The following PRKAR1B variants were observed in gnomAD, a reference collection of about 807,000 sequenced individuals.
PRKAR1B encodes protein kinase cAMP-dependent type I regulatory subunit beta.
A neutral mutation model predicts 46.5 loss-of-function variants in PRKAR1B; 22 were observed. The observed-to-expected ratio is 0.47, with a 90% CI of 0.34 to 0.68. PRKAR1B has a LOEUF of 0.68. Among genes scored for constraint, PRKAR1B ranks in the 30% least tolerant of loss-of-function variants. PRKAR1B has a pLI of 0.01. For missense variants in PRKAR1B, 445 were observed against 535.6 expected, an observed-to-expected ratio of 0.83 and a Z score of 1.67; for synonymous variants, 259 against 217.7, an observed-to-expected ratio of 1.19 and a Z score of -1.67.
chr7:584,468 A>G lies in PRKAR1B; in HGVS notation c.769+40T>C, dbSNP rs1247224191. The G allele has an allele frequency of 1.8e-5, 28 of 1,594,376 alleles. No individual in the cohort carries two copies. In the Admixed American group the frequency reaches 4.7e-4, roughly 27 times the overall value. On this transcript the variant is annotated intron_variant, in intron 8 of 10. Transcript: ENST00000537384. ...GCCGGGGTGGCCAGCAGGCGCCCAG[A>G]TGTCGGGACACACAGCCGTGCAGGG... is the stretch of plus-strand genomic sequence containing the variant.
At chr7:727,940 C>T (rs1453608698), upstream of PRKAR1B, among the ~76,000 whole-genome samples, 1 of 151,754 alleles carries the variant, frequency 6.6e-6, no homozygotes, top group Non-Finnish European at 1.5e-5. Context: ...GCCCCCTTTC[C>T]TTCCCTCGGG....
At chr7:554,812 C>T (rs1329933651) in intron 9 of PRKAR1B, among the ~76,000 whole-genome samples, 2 of 151,948 alleles carry the variant, frequency 1.3e-5, no homozygotes, top group South Asian at 2.1e-4. Context: ...GGGGAGACCA[C>T]GGATCCTGCA....
intron 1 of PRKAR1B, among the ~76,000 whole-genome samples, chr7:721,473 ACTCTGT>A (rs958595974): frequency 1.3e-5 from 2 of 151,960 alleles, no homozygotes; most frequent in Admixed American, 1.3e-4. Flanking sequence ...ACACGGAGAA[ACTCTGT>A]CTCTACTAAA....
intron 6 of PRKAR1B, among the ~76,000 whole-genome samples, chr7:596,931 G>A (rs1425134587): frequency 6.6e-6 from 1 of 152,264 alleles, no homozygotes; most frequent in Non-Finnish European, 1.5e-5. Flanking sequence ...GCGCCCTATG[G>A]CTGGGCGCTG....
chr7:633,915 A>G (rs1783898728), intron 4 of PRKAR1B, among the ~76,000 whole-genome samples: 1 of 152,188 alleles, frequency 6.6e-6, no homozygotes, highest in African/African-American at 2.4e-5. Context: ...GACCAGGCAC[A>G]GTGGCTCACA....
intron 4 of PRKAR1B, among the ~76,000 whole-genome samples, chr7:642,268 C>T (rs1027690087): frequency 1.3e-5 from 2 of 152,112 alleles, no homozygotes; most frequent in African/African-American, 4.8e-5. Flanking sequence ...TGAGGATTAA[C>T]CATAAACAGG....
intron 4 of PRKAR1B, among the ~76,000 whole-genome samples, chr7:664,155 C>T (rs995659152): frequency 1.3e-5 from 2 of 152,214 alleles, no homozygotes; most frequent in African/African-American, 4.8e-5. Context: ...AGACCCCCAT[C>T]CCCAGCCAGC....
At chr7:624,881 T>C (rs1336903478) in intron 4 of PRKAR1B, among the ~76,000 whole-genome samples, 1 of 152,202 alleles carries the variant, frequency 6.6e-6, no homozygotes, top group South Asian at 2.1e-4. Flanking sequence ...AGTAAGAACA[T>C]AGATTAACTG....
At chr7:709,895 G>T (rs1053275701) in intron 2 of PRKAR1B, among the ~76,000 whole-genome samples, 2 of 152,102 alleles carry the variant, frequency 1.3e-5, no homozygotes, top group Non-Finnish European at 2.9e-5. Context: ...TTCCCACCTC[G>T]ACCTTCCAAA....
At chr7:649,924 G>A (rs191610309) in intron 4 of PRKAR1B, among the ~76,000 whole-genome samples, 69 of 151,398 alleles carry the variant, frequency 4.6e-4, no homozygotes, top group African/African-American at 1.4e-3. Flanking sequence ...CTATGTTCAC[G>A]TGATCCTCCT....
chr7:722,801 C>T (rs1220624497), intron 1 of PRKAR1B, among the ~76,000 whole-genome samples: 2 of 152,244 alleles, frequency 1.3e-5, no homozygotes, highest in Non-Finnish European at 2.9e-5. Flanking sequence ...CAAGTGATCT[C>T]CAGATGTATC....
At chr7:643,961 C>T (rs1207727127) in intron 4 of PRKAR1B, among the ~76,000 whole-genome samples, 2 of 152,150 alleles carry the variant, frequency 1.3e-5, no homozygotes, top group African/African-American at 2.4e-5. Context: ...CATCGCGGGG[C>T]AGGGACAAGC....
intron 1 of PRKAR1B, among the ~76,000 whole-genome samples, chr7:720,586 G>A (rs776787309): frequency 7.2e-5 from 11 of 152,192 alleles, no homozygotes; most frequent in South Asian, 2.1e-4. Context: ...GGCTGAAGTC[G>A]TCAACTGCAA....
chr7:583,798 A>G (rs1780436322), intron 8 of PRKAR1B, among the ~76,000 whole-genome samples: 1 of 121,172 alleles, frequency 8.3e-6, no homozygotes, highest in Non-Finnish European at 1.8e-5. Context: ...ATGTGCACTC[A>G]CATGCACACT....
At position 590,791 on chromosome 7, in the gene PRKAR1B, G is replaced by T. The variant is rs189315975; in HGVS notation, c.708+5355C>A. Among the ~76,000 whole-genome samples the T allele has an allele frequency of 5.0e-3, 764 of 152,148 alleles. 8 individuals are homozygous for T. The highest frequency in any genetic ancestry group is 0.014 in the South Asian group (68 of 4,806). ...CAGGAACTTGGCCCAAGACCAAGACGGTGCAGACGGCACTTCTCCACCCGC... is the reference window on the plus strand; with the variant it reads ...CAGGAACTTGGCCCAAGACCAAGACTGTGCAGACGGCACTTCTCCACCCGC... On this transcript the variant is annotated intron_variant, in intron 7 of 10. Coordinates refer to ENST00000537384, the MANE Select transcript of PRKAR1B (RefSeq NM_001164760.2).
chr7:626,309 T>C (rs555264636), intron 4 of PRKAR1B, among the ~76,000 whole-genome samples: 18 of 152,220 alleles, frequency 1.2e-4, no homozygotes, highest in African/African-American at 3.6e-4. Context: ...CTGGGCAACA[T>C]AGCAATACCT....
At chr7:577,537 C>G (rs534108559) in intron 9 of PRKAR1B, among the ~76,000 whole-genome samples, 1 of 152,302 alleles carries the variant, frequency 6.6e-6, no homozygotes, top group African/African-American at 2.4e-5. Context: ...GGTCACCACA[C>G]AGCCTGGACA....
chr7:619,054 T>C (rs900901592), intron 4 of PRKAR1B, among the ~76,000 whole-genome samples: 3 of 152,312 alleles, frequency 2.0e-5, no homozygotes, highest in Middle Eastern at 3.4e-3. Flanking sequence ...AGACCCTGTC[T>C]TGAAAAAAGT....
chr7:571,996 C>T (rs1779545843), intron 9 of PRKAR1B, among the ~76,000 whole-genome samples: 1 of 152,222 alleles, frequency 6.6e-6, no homozygotes, highest in East Asian at 1.9e-4. Flanking sequence ...CACTTCTGCT[C>T]CCATTGCCAC....
Sources: allele counts gnomAD v4.1 joint callset (sites outside exome capture counted in the v4.1 genomes callset), GRCh38; gene constraint gnomAD v4.1.1; transcripts MANE v1.5; gene names NCBI Gene and HGNC (gene_info 2026-07-23, HGNC 2026-07-21).